Variants in KIAA1549L observed in about 807,000 individuals in gnomAD.
KIAA1549L encodes the protein KIAA1549 like, also known as UPF0606 protein KIAA1549L.
KIAA1549L carries 88 observed loss-of-function variants against 160.7 expected under a neutral mutation model. The ratio of observed to expected loss-of-function variants is 0.55; its 90% CI spans 0.46 to 0.65. KIAA1549L has a LOEUF of 0.65. Among genes scored for constraint, KIAA1549L ranks in the 30% least tolerant of loss-of-function variants. The pLI, the probability that KIAA1549L is intolerant of heterozygous loss-of-function variation, is 0.00. For synonymous variants in KIAA1549L, 950 were observed against 976.7 expected (o/e 0.97, Z 0.51); for missense variants, 2,258 against 2,437.5 (o/e 0.93, Z 1.55).
intron 16 of KIAA1549L, among the ~76,000 whole-genome samples, chr11:33,642,086 T>G (rs1437922162): frequency 6.6e-6 from 1 of 152,096 alleles, no homozygotes; most frequent in Non-Finnish European, 1.5e-5. Flanking sequence ...TGAGTAGATG[T>G]CAGATTCCCC....
intron 1 of KIAA1549L, among the ~76,000 whole-genome samples, chr11:33,446,998 G>GTCT (rs1398081369): frequency 6.6e-6 from 1 of 152,162 alleles, no homozygotes; most frequent in African/African-American, 2.4e-5. Context: ...TTTGGAGGCT[G>GTCT]TCTATCACAG....
intron 1 of KIAA1549L, among the ~76,000 whole-genome samples, chr11:33,443,447 C>T (rs1423007248): frequency 6.6e-6 from 1 of 152,130 alleles, no homozygotes; most frequent in Non-Finnish European, 1.5e-5. Context: ...TGGCACAGTG[C>T]CCACCAAGGG....
chr11:33,544,681 T>C, intron 2 of KIAA1549L, 86 bp from the exon 3 acceptor site: 3 of 1,495,370 alleles, frequency 2.0e-6, no homozygotes, highest in South Asian at 2.8e-5. Context: ...CCCTAGCAAA[T>C]CCATAAGTTA....
Position 33,544,993 on chromosome 11 carries a change from C to T in KIAA1549L, c.3000C>T (p.Val1000=), listed in dbSNP as rs199569336. ...GCCCAAAGAGGACACCAGGGGCAGT[C>T]CATACAGCCTTCCCATTCACACCAA... is the stretch of plus-strand genomic sequence containing the variant. ...ASGPKRTPGA[V]HTAFPFTPTY... is the part of the protein sequence containing the mutation. Residue 1000 remains valine, a synonymous_variant, in exon 3 of 21, where the codon GTC becomes GTT. Transcript: ENST00000658780. 4 of 1,614,036 alleles carry T rather than the reference C, an allele frequency of 2.5e-6. No homozygotes were observed. Among genetic ancestry groups the T allele is most frequent in the African/African-American group, 1.3e-5 (1 of 75,060 alleles).
chr11:33,551,311 G>A (rs1195433090), intron 5 of KIAA1549L, 52 bp downstream of exon 5: 2 of 1,465,722 alleles, frequency 1.4e-6, no homozygotes, highest in East Asian at 2.3e-5. Flanking sequence ...TTCAGGGCCA[G>A]TACCAAGTGG....
At chr11:33,600,997 T>C (rs1415209741) in intron 13 of KIAA1549L, among the ~76,000 whole-genome samples, 1 of 152,114 alleles carries the variant, frequency 6.6e-6, no homozygotes, top group Non-Finnish European at 1.5e-5. Flanking sequence ...ACCTTGCCCA[T>C]TTCTGCTTGT....
intron 1 of KIAA1549L, among the ~76,000 whole-genome samples, chr11:33,423,584 A>G (rs1189593979): frequency 6.6e-6 from 1 of 152,234 alleles, no homozygotes; most frequent in Non-Finnish European, 1.5e-5. Flanking sequence ...CTCAGCTTAC[A>G]CAAATCTGAC....
At chr11:33,622,436 G>A (rs560002913) in intron 16 of KIAA1549L, among the ~76,000 whole-genome samples, 79 of 152,232 alleles carry the variant, frequency 5.2e-4, no homozygotes, top group South Asian at 5.0e-3. Context: ...CTGGAACACC[G>A]AGGTTAAGAA....
Position 33,441,470 on chromosome 11 carries a change from G to C in KIAA1549L, c.238+64581G>C, listed in dbSNP as rs1045108323. Among the ~76,000 whole-genome samples, 3 of 134,006 alleles carry C rather than the reference G, an allele frequency of 2.2e-5. No homozygotes were observed. The East Asian group carries it at 6.1e-4, about 27-fold the overall frequency. The allele number at this position is 134,006 out of a possible 152,430, so 87.9% of individuals were successfully genotyped here. A position where few individuals can be genotyped will look rare whatever the true frequency, so the allele number is the denominator to read the frequency against. On this transcript the variant is annotated intron_variant, in intron 1 of 20. Coordinates refer to ENST00000658780, the MANE Select transcript of KIAA1549L (RefSeq NM_012194.3). ...ATGGCTGGGTCAAATGGTATTTCTA[G>C]TTCTAGATCCCTGAGGAATCGCCAC...
intron 1 of KIAA1549L, among the ~76,000 whole-genome samples, chr11:33,435,832 GTATA>G (rs1270906295): frequency 1.5e-4 from 5 of 33,568 alleles, no homozygotes; most frequent in African/African-American, 1.7e-4. Context: ...ATATATATAT[GTATA>G]TGTATATGTG....
At chr11:33,592,519 A>G (rs1447635889) in intron 12 of KIAA1549L, among the ~76,000 whole-genome samples, 1 of 152,062 alleles carries the variant, frequency 6.6e-6, no homozygotes, top group Non-Finnish European at 1.5e-5. Flanking sequence ...AAACTACATC[A>G]TCCATGTCTC....
At chr11:33,412,184 A>G (rs979140967) in intron 1 of KIAA1549L, among the ~76,000 whole-genome samples, 7 of 152,226 alleles carry the variant, frequency 4.6e-5, no homozygotes, top group African/African-American at 1.7e-4. Context: ...TATAGTCAAT[A>G]AAAACGGTGA....
At chr11:33,533,931 C>G (rs1195970959) in intron 1 of KIAA1549L, among the ~76,000 whole-genome samples, 1 of 152,146 alleles carries the variant, frequency 6.6e-6, no homozygotes, top group Non-Finnish European at 1.5e-5. Flanking sequence ...CGACTAATTC[C>G]CCCTTGTGGG....
intron 1 of KIAA1549L, among the ~76,000 whole-genome samples, chr11:33,377,100 G>T (rs2134025072): frequency 6.6e-6 from 1 of 152,316 alleles, no homozygotes; most frequent in South Asian, 2.1e-4. Context: ...CTTCTTTTTG[G>T]ACAAGTTGTA....
chr11:33,577,615 C>T (rs1855495898), intron 10 of KIAA1549L, among the ~76,000 whole-genome samples: 1 of 152,130 alleles, frequency 6.6e-6, no homozygotes, highest in South Asian at 2.1e-4. Flanking sequence ...TGTTTCTGCT[C>T]TCTTGGGTAT....
chr11:33,566,577 A>G (rs528085545), intron 8 of KIAA1549L, among the ~76,000 whole-genome samples: 34 of 152,308 alleles, frequency 2.2e-4, no homozygotes, highest in African/African-American at 7.9e-4. Context: ...TATACCCTCC[A>G]GGGGGATTAT....
chr11:33,534,284 G>T (rs560522469), intron 1 of KIAA1549L, among the ~76,000 whole-genome samples: 14 of 151,730 alleles, frequency 9.2e-5, no homozygotes, highest in Non-Finnish European at 1.9e-4. Flanking sequence ...TAGAGATGGG[G>T]TTTCACCGTG....
chr11:33,491,314 G>T (rs1449243646), intron 1 of KIAA1549L, among the ~76,000 whole-genome samples: 1 of 152,098 alleles, frequency 6.6e-6, no homozygotes, highest in Non-Finnish European at 1.5e-5. Flanking sequence ...AATCCCCTTG[G>T]GTACTACACG....
chr11:33,486,561 T>G (rs555100787), intron 1 of KIAA1549L, among the ~76,000 whole-genome samples: 72 of 152,336 alleles, frequency 4.7e-4, no homozygotes, highest in African/African-American at 1.7e-3. Flanking sequence ...ATTAATTTAA[T>G]TAAGTCTTTG....
Sources: allele counts gnomAD v4.1 joint callset (sites outside exome capture counted in the v4.1 genomes callset), GRCh38; gene constraint gnomAD v4.1.1; transcripts MANE v1.5; gene names NCBI Gene and HGNC (gene_info 2026-07-23, HGNC 2026-07-21).